Variants in ABCC4 observed in about 807,000 individuals in gnomAD.
ABCC4 encodes the protein ATP binding cassette subfamily C member 4 (PEL blood group), also known as ATP-binding cassette sub-family C member 4.
A neutral mutation model predicts 168.5 loss-of-function variants in ABCC4; 102 were observed. The observed-to-expected ratio is 0.61, with a 90% CI of 0.52 to 0.71. ABCC4 has a LOEUF of 0.71. Ranked by LOEUF, ABCC4 falls within the 30% of genes least tolerant of loss-of-function variation. The pLI, the probability that ABCC4 is intolerant of heterozygous loss-of-function variation, is 0.00. For synonymous variants in ABCC4, 617 were observed against 590.7 expected (o/e 1.04, Z -0.65); for missense variants, 1,402 against 1,605.8 (o/e 0.87, Z 2.17).
intron 1 of ABCC4, among the ~76,000 whole-genome samples, chr13:95,293,605 TAC>T (rs1161468567): frequency 1.3e-5 from 2 of 150,810 alleles, no homozygotes; most frequent in African/African-American, 4.9e-5. Context: ...TAGCTGGGAC[TAC>T]AGGTGCATGC....
chr13:95,021,319 C>T lies in ABCC4; in HGVS notation c.*256G>A. 2.6e-6 allele frequency: 1 copy of T among 381,788 alleles called. No individual in the cohort carries two copies. Among genetic ancestry groups the T allele is most frequent in the Non-Finnish European group, 4.7e-6 (1 of 213,810 alleles). The allele number at this position is 381,788 out of a possible 1,614,324, so 23.7% of individuals were successfully genotyped here. On this transcript the variant is annotated 3_prime_UTR_variant, in exon 31 of 31. Coordinates refer to ENST00000645237, the MANE Select transcript of ABCC4 (RefSeq NM_005845.5). ...CTCTGTAGTCTCTTAAGGCACAAAACCTGATAGACGGCATTTAACTGGTGG... is the reference window on the plus strand; with the variant it reads ...CTCTGTAGTCTCTTAAGGCACAAAATCTGATAGACGGCATTTAACTGGTGG...
chr13:95,181,342 G>C (rs530217710), intron 11 of ABCC4, among the ~76,000 whole-genome samples: 110 of 152,350 alleles, frequency 7.2e-4, no homozygotes, highest in African/African-American at 2.5e-3. Context: ...TCAGAGAGCA[G>C]GGCTCTCCAG....
At chr13:95,039,142 GA>G (rs2032251915) in intron 29 of ABCC4, among the ~76,000 whole-genome samples, 2 of 152,168 alleles carry the variant, frequency 1.3e-5, no homozygotes, top group South Asian at 4.1e-4. Context: ...AAATGCCTGG[GA>G]CCAGAAGTGT....
rs145508657 is a variant in ABCC4, at chr13:95,267,536, C to A, written c.75-19783G>T. 9.1e-4 allele frequency among the ~76,000 whole-genome samples: 139 copies of A among 152,246 alleles called. 3 individuals carry two copies. The East Asian group carries it at 0.025, about 28-fold the overall frequency. ...CTCCCCTGACTTGTCTTCTGCAAAG[C>A]TCTACAGGCATGGTGACAAGGGGCT... is the stretch of plus-strand genomic sequence containing the variant. On this transcript the variant is annotated intron_variant, in intron 1 of 30. Coordinates refer to ENST00000645237, the MANE Select transcript of ABCC4 (RefSeq NM_005845.5).
intron 14 of ABCC4, among the ~76,000 whole-genome samples, chr13:95,169,931 A>G (rs916877583): frequency 6.6e-6 from 1 of 152,150 alleles, no homozygotes; most frequent in Non-Finnish European, 1.5e-5. Flanking sequence ...ATCTCGGCTC[A>G]CTACAACCTC....
rs116719524 is a variant in ABCC4 at position 95,213,956 on chromosome 13, G to C, written c.532-3175C>G. Among the ~76,000 whole-genome samples, 243 of 152,086 alleles carry C rather than the reference G, an allele frequency of 1.6e-3. 1 individual carries two copies. Among genetic ancestry groups the C allele is most frequent in the African/African-American group, 5.6e-3 (234 of 41,478 alleles). ...TAATCAAAGGAGGGAAATGGCAACA[G>C]AAATAGACCCTGAAATGATCCAGAT... On this transcript the variant is annotated intron_variant, in intron 4 of 30. Coordinates refer to ENST00000645237, the MANE Select transcript of ABCC4 (RefSeq NM_005845.5).
chr13:95,227,240 T>A (rs1202986454), intron 4 of ABCC4, among the ~76,000 whole-genome samples: 1 of 152,222 alleles, frequency 6.6e-6, no homozygotes, highest in Non-Finnish European at 1.5e-5. Context: ...CTTAACTTGC[T>A]TTCTTAGCTC....
At chr13:95,042,051 A>G (rs2032384253) in intron 29 of ABCC4, among the ~76,000 whole-genome samples, 1 of 152,190 alleles carries the variant, frequency 6.6e-6, no homozygotes, top group African/African-American at 2.4e-5. Context: ...AGCTCTCCCA[A>G]TATCATTGGA....
At chr13:95,029,483 C>A (rs559958568) in intron 30 of ABCC4, among the ~76,000 whole-genome samples, 6 of 152,012 alleles carry the variant, frequency 3.9e-5, no homozygotes, top group African/African-American at 1.4e-4. Flanking sequence ...TGAAACCTGG[C>A]AGAGGAACTG....
intron 29 of ABCC4, among the ~76,000 whole-genome samples, chr13:95,036,783 T>C (rs1030597113): frequency 2.0e-5 from 3 of 152,012 alleles, no homozygotes; most frequent in Admixed American, 6.6e-5. Context: ...TTTTTTGATA[T>C]GCATTAAAAC....
chr13:95,049,258 C>T (rs2032722776), intron 27 of ABCC4, among the ~76,000 whole-genome samples: 1 of 151,948 alleles, frequency 6.6e-6, no homozygotes, highest in Non-Finnish European at 1.5e-5. Context: ...CACTTGAACC[C>T]AGGAGGTAGA....
At chr13:95,075,899 T>C (rs2033883593) in intron 21 of ABCC4, among the ~76,000 whole-genome samples, 1 of 152,218 alleles carries the variant, frequency 6.6e-6, no homozygotes, top group Admixed American at 6.5e-5. Context: ...GATATTTTTC[T>C]GATTTTTGAG....
chr13:95,195,636 G>GTTA (rs1168716084), intron 8 of ABCC4, among the ~76,000 whole-genome samples: 1 of 151,734 alleles, frequency 6.6e-6, no homozygotes, highest in Non-Finnish European at 1.5e-5. Flanking sequence ...TATTATTATT[G>GTTA]TTATTATTAT....
chr13:95,151,882 C>T (rs1457115286), intron 19 of ABCC4, among the ~76,000 whole-genome samples: 1 of 152,172 alleles, frequency 6.6e-6, no homozygotes, highest in East Asian at 1.9e-4. Context: ...AGAATTGGGG[C>T]ATCTCAACAC....
In ABCC4 at chr13:95,247,709, T is replaced by C; in HGVS notation, c.119A>G (p.Glu40Gly). Reference protein sequence around the residue: ...LFKIGHKRRLEEDDMYSVLPE... With the variant: ...LFKIGHKRRLGEDDMYSVLPE... ...CAGCACTGAATACATATCATCTTCC[T>C]CTAATCTCCGTTTATGGCCAATTTT... Residue 40 changes from glutamate to glycine, a missense_variant, in exon 2 of 31, where the codon GAG becomes GGG. Physicochemically the swap from Glu to Gly is moderately conservative, Grantham distance 98. Around this residue, in one of 3 missense-constraint regions of ABCC4, gnomAD observed 317 missense variants for 345.5 expected, o/e 0.92. Transcript: ENST00000645237. 6.2e-7 allele frequency: 1 copy of C among 1,614,042 alleles called. No homozygotes were observed. Among genetic ancestry groups the C allele is most frequent in the Non-Finnish European group, 8.5e-7 (1 of 1,180,000 alleles).
chr13:95,205,607 T>C (rs1338774018), intron 8 of ABCC4, among the ~76,000 whole-genome samples: 5 of 152,248 alleles, frequency 3.3e-5, no homozygotes, highest in South Asian at 4.1e-4. Flanking sequence ...CCCCTGGCAA[T>C]TGAGTGACAG....
chr13:95,165,078 G>A lies in ABCC4; in HGVS notation c.2035-560C>T, dbSNP rs114320151. 1.9e-3 allele frequency among the ~76,000 whole-genome samples: 290 copies of A among 152,232 alleles called. 1 individual carries two copies. Among genetic ancestry groups the A allele is most frequent in the African/African-American group, 6.2e-3 (258 of 41,538 alleles). Reference sequence around the variant, plus strand: ...GGAAATATCATTTGGACATTGTGGCGTGGCTTGCTGGAAGGATGCCATCAG... The same window carrying A: ...GGAAATATCATTTGGACATTGTGGCATGGCTTGCTGGAAGGATGCCATCAG... On this transcript the variant is annotated intron_variant, in intron 15 of 30. Coordinates refer to ENST00000645237, the MANE Select transcript of ABCC4 (RefSeq NM_005845.5).
chr13:95,025,211 C>A (rs1367966890), intron 30 of ABCC4, among the ~76,000 whole-genome samples: 3 of 58,238 alleles, frequency 5.2e-5, no homozygotes, highest in African/African-American at 1.4e-4. Context: ...CCCCCACACC[C>A]CCCACACACC....
chr13:95,098,482 G>A (rs1751057), intron 20 of ABCC4, among the ~76,000 whole-genome samples: 143,854 of 152,176 alleles, frequency 0.95, 68,118 homozygotes, highest in Non-Finnish European at 0.96. Flanking sequence ...TATCAGTGTC[G>A]GGAATAAAAG....
Sources: gnomAD v4.1 joint callset for allele counts (sites outside exome capture counted in the v4.1 genomes callset) on GRCh38, gnomAD v4.1.1 for gene constraint, gnomAD v4.1.1 regional missense constraint, MANE v1.5 for transcripts, NCBI Gene and HGNC (gene_info 2026-07-23, HGNC 2026-07-21) for gene names.